Variants in THADA observed in about 807,000 individuals in gnomAD.
The protein encoded by THADA is tRNA (32-2'-O)-methyltransferase regulator THADA.
THADA carries 213 observed loss-of-function variants against 219.8 expected under a neutral mutation model. The observed-to-expected ratio is 0.97, with a 90% CI of 0.87 to 1.09. The LOEUF (loss-of-function observed/expected upper bound fraction) is 1.09. Ranked by LOEUF, THADA falls within the 50% of genes least tolerant of loss-of-function variation. The probability of loss-of-function intolerance (pLI) is 0.00; values close to 1 mark genes in which losing one functional copy is unlikely to be tolerated. For missense variants in THADA, 2,956 were observed against 2,311.3 expected (o/e 1.28, Z -5.72); for synonymous variants, 1,018 against 828.9 (o/e 1.23, Z -3.92).
intron 28 of THADA, among the ~76,000 whole-genome samples, chr2:43,413,526 T>C (rs1676559411): frequency 6.6e-6 from 1 of 152,226 alleles, no homozygotes; most frequent in South Asian, 2.1e-4. Context: ...CCTTACCTAA[T>C]ACTACATTTC....
At chr2:43,567,841 G>A (rs1221924870) in intron 14 of THADA, among the ~76,000 whole-genome samples, 1 of 152,174 alleles carries the variant, frequency 6.6e-6, no homozygotes, top group Non-Finnish European at 1.5e-5. Context: ...TCCCAGTGAA[G>A]CTTCCAAATC....
chr2:43,359,526 A>G (rs1376990288), intron 29 of THADA, among the ~76,000 whole-genome samples: 2 of 152,202 alleles, frequency 1.3e-5, no homozygotes, highest in African/African-American at 2.4e-5. Flanking sequence ...CTAAAAATAC[A>G]AAAATTAGCC....
chr2:43,351,377 G>C (rs1668233735), intron 29 of THADA, among the ~76,000 whole-genome samples: 1 of 152,040 alleles, frequency 6.6e-6, no homozygotes, highest in African/African-American at 2.4e-5. Context: ...TTCCTGGCCA[G>C]GACGTTCCAT....
intron 30 of THADA, among the ~76,000 whole-genome samples, chr2:43,328,222 ATATT>A (rs1376274533): frequency 6.6e-6 from 1 of 152,180 alleles, no homozygotes; most frequent in Non-Finnish European, 1.5e-5. Flanking sequence ...TAGAATATAT[ATATT>A]TAAACAAGTC....
Position 43,461,905 on chromosome 2 carries a change from C to A in THADA, c.3836+23329G>T, listed in dbSNP as rs193030316. On this transcript the variant is annotated intron_variant, in intron 26 of 37. Coordinates refer to ENST00000405975, the MANE Select transcript of THADA (RefSeq NM_022065.5). ...TTCTGCCTTCACACAGGCAACACAA[C>A]GGTGTTAGTTTGCACTGGCTCCAGG... Among the ~76,000 whole-genome samples, 16 of 152,334 alleles carry A rather than the reference C, an allele frequency of 1.1e-4. No homozygotes were observed. The East Asian group carries it at 1.7e-3, about 17-fold the overall frequency.
At position 43,533,239 on chromosome 2, in the gene THADA, A is replaced by G. The variant is rs571692575; in HGVS notation, c.3265-5251T>C. On this transcript the variant is annotated intron_variant, in intron 21 of 37. Coordinates refer to ENST00000405975, the MANE Select transcript of THADA (RefSeq NM_022065.5). ...GTAATCATTAAAAAGTCTGGAAACA[A>G]CAGATGCTGGAGAGGATGTGGAGAA... Among the ~76,000 whole-genome samples, 29 of 152,354 alleles carry G rather than the reference A, an allele frequency of 1.9e-4. No individual in the cohort carries two copies. In the South Asian group the frequency reaches 4.1e-3, roughly 22 times the overall value.
At chr2:43,370,779 T>C (rs1573319837) in intron 29 of THADA, among the ~76,000 whole-genome samples, 1 of 152,180 alleles carries the variant, frequency 6.6e-6, no homozygotes, top group Admixed American at 6.5e-5. Context: ...ATGTAAGTAA[T>C]GAATGGTCTG....
At chr2:43,417,054 T>TTC (rs1677079027) in intron 28 of THADA, among the ~76,000 whole-genome samples, 1 of 150,100 alleles carries the variant, frequency 6.7e-6, no homozygotes, top group Non-Finnish European at 1.5e-5. Flanking sequence ...TTTTTTTTTT[T>TTC]TTTTTGAGAC....
chr2:43,516,852 G>C (rs893052910), intron 22 of THADA, among the ~76,000 whole-genome samples: 1 of 152,112 alleles, frequency 6.6e-6, no homozygotes, highest in Non-Finnish European at 1.5e-5. Context: ...GCTAGTGGTT[G>C]CTTTGCACTA....
At chr2:43,514,512 T>C (rs1266028010) in intron 22 of THADA, among the ~76,000 whole-genome samples, 3 of 136,828 alleles carry the variant, frequency 2.2e-5, no homozygotes, top group Non-Finnish European at 4.6e-5. Flanking sequence ...ATATTTTATA[T>C]ATAATATATA....
At chr2:43,261,660 G>C (rs1670962737) in intron 36 of THADA, among the ~76,000 whole-genome samples, 1 of 146,852 alleles carries the variant, frequency 6.8e-6, no homozygotes, top group Non-Finnish European at 1.5e-5. Flanking sequence ...TTTTGAGATG[G>C]AGTTTTGCTT....
At chr2:43,591,883 G>T (rs1432120444) in intron 3 of THADA, 69 bp downstream of exon 3, 3 of 1,093,742 alleles carry the variant, frequency 2.7e-6, no homozygotes, top group Non-Finnish European at 3.7e-6. Context: ...AACTGTCAGT[G>T]ATTTTTTTTA....
intron 29 of THADA, among the ~76,000 whole-genome samples, chr2:43,387,575 C>T (rs906728881): frequency 1.3e-5 from 2 of 150,964 alleles, no homozygotes; most frequent in Non-Finnish European, 2.9e-5. Flanking sequence ...AGCTGTATCA[C>T]ACCTTGTCCC....
At chr2:43,354,229 T>G (rs1668617541) in intron 29 of THADA, among the ~76,000 whole-genome samples, 1 of 152,112 alleles carries the variant, frequency 6.6e-6, no homozygotes, top group African/African-American at 2.4e-5. Context: ...GTGTTGGAAT[T>G]ACAGGCATGA....
intron 29 of THADA, among the ~76,000 whole-genome samples, chr2:43,352,612 A>G (rs966146150): frequency 2.6e-5 from 4 of 152,076 alleles, no homozygotes; most frequent in Non-Finnish European, 5.9e-5. Context: ...AGACAAAGTT[A>G]ATTTTTTAAA....
rs115490955 is a variant in THADA at position 43,281,651 on chromosome 2, G to A, written c.5165-1755C>T. Reference sequence around the variant, plus strand: ...GGACAGGTTTTCACCATGTTGGTCAGGCTCAAACTCCTGACCTCAGGTAGA... The same window carrying A: ...GGACAGGTTTTCACCATGTTGGTCAAGCTCAAACTCCTGACCTCAGGTAGA... On this transcript the variant is annotated intron_variant, in intron 35 of 37. Transcript: ENST00000405975. 1.4e-3 allele frequency among the ~76,000 whole-genome samples: 207 copies of A among 152,068 alleles called. 1 individual carries two copies. Among genetic ancestry groups the A allele is most frequent in the African/African-American group, 4.8e-3 (200 of 41,468 alleles).
chr2:43,280,830 T>C (rs1673263113), intron 35 of THADA, among the ~76,000 whole-genome samples: 1 of 152,244 alleles, frequency 6.6e-6, no homozygotes, highest in Non-Finnish European at 1.5e-5. Context: ...TATCTTGTCC[T>C]GAGCAATCAA....
chr2:43,232,643 T>C, intron 37 of THADA, 70 bp downstream of exon 37: 7 of 1,512,688 alleles, frequency 4.6e-6, no homozygotes, highest in South Asian at 1.2e-5. Flanking sequence ...GCTGAGGCTG[T>C]AGGTGCTGCA....
At chr2:43,417,089 G>C (rs1189749599) in intron 28 of THADA, among the ~76,000 whole-genome samples, 2 of 130,904 alleles carry the variant, frequency 1.5e-5, no homozygotes, top group South Asian at 2.4e-4. Flanking sequence ...CTTTATAAGA[G>C]AGTAAAAAGA....
Sources: gnomAD v4.1 joint callset for allele counts (sites outside exome capture counted in the v4.1 genomes callset) on GRCh38, gnomAD v4.1.1 for gene constraint, MANE v1.5 for transcripts, NCBI Gene and HGNC (gene_info 2026-07-23, HGNC 2026-07-21) for gene names.